ATP8B4: variants seen among roughly 807,000 people sequenced by gnomAD.
The protein encoded by ATP8B4 is probable phospholipid-transporting ATPase IM.
Under a neutral mutation model 145.6 loss-of-function variants are expected in ATP8B4, and 133 were observed. The ratio of observed to expected loss-of-function variants is 0.91; its 90% CI spans 0.79 to 1.05. The LOEUF (loss-of-function observed/expected upper bound fraction) is 1.05. ATP8B4 is among the 50% of genes least tolerant of loss of function. ATP8B4 has a pLI of 0.00. For synonymous variants in ATP8B4, 507 were observed against 492.9 expected, an observed-to-expected ratio of 1.03 and a Z score of -0.38; for missense variants, 1,458 against 1,425.2, an observed-to-expected ratio of 1.02 and a Z score of -0.37.
intron 24 of ATP8B4, among the ~76,000 whole-genome samples, chr15:49,878,144 A>C (rs2034793926): frequency 6.6e-6 from 1 of 152,184 alleles, no homozygotes; most frequent in Non-Finnish European, 1.5e-5. Flanking sequence ...TGAATTGCAC[A>C]ATAACCATCT....
intron 20 of ATP8B4, among the ~76,000 whole-genome samples, chr15:49,912,342 C>T (rs2039313986): frequency 6.6e-6 from 1 of 152,166 alleles, no homozygotes; most frequent in Non-Finnish European, 1.5e-5. Context: ...AAAACAAAGA[C>T]ATTACAACTT....
At chr15:49,882,016 C>T (rs1029795575) in intron 23 of ATP8B4, among the ~76,000 whole-genome samples, 1 of 152,204 alleles carries the variant, frequency 6.6e-6, no homozygotes, top group Non-Finnish European at 1.5e-5. Context: ...CTGATATTTT[C>T]TGGGCTAGCC....
chr15:50,024,803 T>G (rs924318021), intron 6 of ATP8B4, among the ~76,000 whole-genome samples: 2 of 152,196 alleles, frequency 1.3e-5, no homozygotes, highest in Non-Finnish European at 1.5e-5. Context: ...CAGACCTAAA[T>G]CCTTCCCTTT....
chr15:50,128,577 A>T (rs1278930619), intron 1 of ATP8B4, among the ~76,000 whole-genome samples: 1 of 152,220 alleles, frequency 6.6e-6, no homozygotes, highest in African/African-American at 2.4e-5. Context: ...CTGTGATGCC[A>T]TTCTGGAGAG....
chr15:50,180,444 G>A (rs28726225), intron 1 of ATP8B4, among the ~76,000 whole-genome samples: 5,607 of 152,280 alleles, frequency 0.037, 134 homozygotes, highest in African/African-American at 0.068. Context: ...CAGCTAGCTT[G>A]GGTCTTGTTT....
chr15:50,135,414 C>T (rs1423418637), intron 1 of ATP8B4, among the ~76,000 whole-genome samples: 1 of 152,172 alleles, frequency 6.6e-6, no homozygotes, highest in Non-Finnish European at 1.5e-5. Flanking sequence ...TTCATTTTAA[C>T]CCCATTTCCA....
At chr15:49,953,277 T>G (rs2043260437) in intron 14 of ATP8B4, among the ~76,000 whole-genome samples, 1 of 152,174 alleles carries the variant, frequency 6.6e-6, no homozygotes. Flanking sequence ...CCATTTAATC[T>G]GGGCTGCCTA....
In ATP8B4 at chr15:49,897,328, A is replaced by G. The variant is rs745470992; in HGVS notation, c.2661T>C (p.His887=). The change falls in exon 23 of 28, where the codon CAT becomes CAC. Residue 887 remains histidine (H), a synonymous_variant. Coordinates refer to ENST00000284509, the MANE Select transcript of ATP8B4 (RefSeq NM_024837.4). ...FYKNFAFTLV[H]FWFGFFCGFS... is the part of the protein sequence containing the mutation. Reference sequence around the variant, plus strand: ...AACCACAGAAGAAACCAAACCAGAAATGCACAAGTGTAAATGCAAAATTCT... The same window carrying G: ...AACCACAGAAGAAACCAAACCAGAAGTGCACAAGTGTAAATGCAAAATTCT... 1 of 1,612,944 alleles carries G rather than the reference A, an allele frequency of 6.2e-7. No individual in the cohort carries two copies. Among genetic ancestry groups the G allele is most frequent in the South Asian group, 1.1e-5 (1 of 90,816 alleles).
chr15:49,937,559 G>A (rs748947304), intron 14 of ATP8B4, among the ~76,000 whole-genome samples: 17 of 152,012 alleles, frequency 1.1e-4, no homozygotes, highest in Non-Finnish European at 4.4e-5. Flanking sequence ...TGCCCAGTAC[G>A]TACCAAGCAC....
At chr15:50,111,783 ATTGATGTCTCT>A (rs1466945853) in intron 1 of ATP8B4, among the ~76,000 whole-genome samples, 8 of 152,212 alleles carry the variant, frequency 5.3e-5, no homozygotes, top group Non-Finnish European at 1.0e-4. Flanking sequence ...AAGGCAGACC[ATTGATGTCTCT>A]TTGTCAACAT....
intron 3 of ATP8B4, among the ~76,000 whole-genome samples, chr15:50,051,304 C>T (rs2052169813): frequency 6.6e-6 from 1 of 152,170 alleles, no homozygotes; most frequent in African/African-American, 2.4e-5. Context: ...CCTCCCCAGC[C>T]ATGCTGAACT....
At chr15:50,173,098 G>T (rs1461488191) in intron 1 of ATP8B4, among the ~76,000 whole-genome samples, 1 of 141,898 alleles carries the variant, frequency 7.0e-6, no homozygotes, top group South Asian at 2.3e-4. Flanking sequence ...CCGCCCAGCC[G>T]CCGCCCCGTC....
intron 1 of ATP8B4, among the ~76,000 whole-genome samples, chr15:50,159,193 A>G (rs757635206): frequency 3.7e-4 from 56 of 152,068 alleles, no homozygotes; most frequent in Non-Finnish European, 4.7e-4. Context: ...AATGTTTTAT[A>G]GTTTTCATTG....
intron 3 of ATP8B4, among the ~76,000 whole-genome samples, chr15:50,073,367 A>G (rs2053975898): frequency 6.6e-6 from 1 of 152,050 alleles, no homozygotes; most frequent in South Asian, 2.1e-4. Context: ...TAGTTTGCTG[A>G]GAATGATGGT....
At chr15:50,152,770 T>C (rs1039139625) in intron 1 of ATP8B4, among the ~76,000 whole-genome samples, 1 of 152,212 alleles carries the variant, frequency 6.6e-6, no homozygotes. Context: ...GAAAGTTACA[T>C]GGATTTTTAA....
At chr15:50,121,551 G>T (rs1421590849), upstream of ATP8B4, among the ~76,000 whole-genome samples, 1 of 152,110 alleles carries the variant, frequency 6.6e-6, no homozygotes, top group African/African-American at 2.4e-5. Context: ...TTCATAAGGA[G>T]TAGAAAGACG....
rs536032146 is a variant in ATP8B4 at position 50,028,698 on chromosome 15, A to G, written c.362+10070T>C. On this transcript the variant is annotated intron_variant, in intron 6 of 27. Coordinates refer to ENST00000284509, the MANE Select transcript of ATP8B4 (RefSeq NM_024837.4). ...ATTAAATTCTGTATCCTCAGCATAT[A>G]GTAGGTTGGTGCAAAAGTAATTGTG... is the stretch of plus-strand genomic sequence containing the variant. Among the ~76,000 whole-genome samples, 7 of 152,298 alleles carry G rather than the reference A, an allele frequency of 4.6e-5. No homozygotes were observed. The South Asian group carries it at 1.5e-3, about 32-fold the overall frequency.
rs144947687 is a variant in ATP8B4 at position 50,009,466 on chromosome 15, C to G, written c.435+1379G>C. 1.4e-4 allele frequency: 40 copies of G among 277,832 alleles called. 1 individual carries two copies. The highest frequency in any genetic ancestry group is 8.7e-4 in the African/African-American group (38 of 43,532). The allele number at this position is 277,832 out of a possible 1,614,324, so 17.2% of individuals were successfully genotyped here. A position where few individuals can be genotyped will look rare whatever the true frequency, so the allele number is the denominator to read the frequency against. ...ACAGCATGGAACGGATTTTTGAGAT[C>G]CTGTAGTGGTCTAGCATCTTATTTG... On this transcript the variant is annotated intron_variant, in intron 7 of 27. Coordinates refer to ENST00000284509, the MANE Select transcript of ATP8B4 (RefSeq NM_024837.4).
intron 6 of ATP8B4, among the ~76,000 whole-genome samples, chr15:50,037,494 G>T (rs570828056): frequency 6.6e-6 from 1 of 152,184 alleles, no homozygotes; most frequent in Non-Finnish European, 1.5e-5. Flanking sequence ...CCATCCATGG[G>T]AGAGAACACA....
Sources: allele counts gnomAD v4.1 joint callset (sites outside exome capture counted in the v4.1 genomes callset), GRCh38; gene constraint gnomAD v4.1.1; transcripts MANE v1.5; gene names NCBI Gene and HGNC (gene_info 2026-07-23, HGNC 2026-07-21).